BRAF: variants seen among roughly 807,000 people sequenced by gnomAD.
BRAF encodes the protein B-Raf proto-oncogene, serine/threonine kinase.
In BRAF, 16 loss-of-function variants were observed where a neutral mutation model predicts 104.6. That is an observed-to-expected ratio of 0.15 (90% CI 0.10 to 0.23). The LOEUF (loss-of-function observed/expected upper bound fraction) is 0.23, where lower values mean the gene tolerates loss of function less well. Among genes scored for constraint, BRAF ranks in the 10% least tolerant of loss-of-function variants. The pLI, the probability that BRAF is intolerant of heterozygous loss-of-function variation, is 1.00. For synonymous variants in BRAF, 310 were observed against 341.6 expected (o/e 0.91, Z 1.02); for missense variants, 541 against 937.3 (o/e 0.58, Z 5.52).
At chr7:140,853,965 T>C (rs945044658) in intron 1 of BRAF, among the ~76,000 whole-genome samples, 11 of 151,434 alleles carry the variant, frequency 7.3e-5, no homozygotes, top group African/African-American at 2.7e-4. Context: ...TATATTTGTT[T>C]AAAAAAAAAT....
At chr7:140,788,649 C>T (rs1012953737) in intron 8 of BRAF, among the ~76,000 whole-genome samples, 3 of 151,976 alleles carry the variant, frequency 2.0e-5, no homozygotes, top group South Asian at 2.1e-4. Flanking sequence ...AGTGCAGTGG[C>T]GTGATCTTGG....
chr7:140,719,714 A>T lies in BRAF; in HGVS notation c.*6780T>A, dbSNP rs1795232313. The stretch of plus-strand genomic sequence containing the variant: ...CTGAAAATAAATGTCTTTTTTATGA[A>T]TTGAAAAATAAGCTTTAAAAATAGT... On this transcript the variant is annotated 3_prime_UTR_variant, in exon 20 of 20. Coordinates refer to ENST00000644969, the MANE Select transcript of BRAF (RefSeq NM_001374258.1). 9.4e-7 allele frequency: 1 copy of T among 1,061,260 alleles called. No homozygotes were observed. The highest frequency in any genetic ancestry group is 1.6e-5 in the African/African-American group (1 of 60,886). 65.7% of individuals were successfully genotyped at this position (1,061,260 alleles called of 1,614,324 possible).
chr7:140,718,305 G>T (rs894052943), downstream of BRAF, among the ~76,000 whole-genome samples: 6 of 151,982 alleles, frequency 3.9e-5, no homozygotes, highest in African/African-American at 1.5e-4. Context: ...TGTTGCCCAG[G>T]CTGGAGTGCA....
chr7:140,809,851 GAGA>G (rs939679009), intron 3 of BRAF, among the ~76,000 whole-genome samples: 2 of 152,178 alleles, frequency 1.3e-5, no homozygotes, highest in Non-Finnish European at 2.9e-5. Context: ...GAGAGAGACA[GAGA>G]AGGAGGGAAA....
At chr7:140,894,813 C>T (rs565501475) in intron 1 of BRAF, among the ~76,000 whole-genome samples, 1 of 152,148 alleles carries the variant, frequency 6.6e-6, no homozygotes, top group Non-Finnish European at 1.5e-5. Context: ...AGCTCACAAA[C>T]CAAAGCCCTG....
chr7:140,835,739 A>T (rs1468931047), intron 2 of BRAF: 1 of 152,198 alleles, frequency 6.6e-6, no homozygotes, highest in Non-Finnish European at 1.5e-5. Flanking sequence ...GAACAGAATG[A>T]CATTGAACGA....
At chr7:140,894,698 C>A (rs531956801) in intron 1 of BRAF, among the ~76,000 whole-genome samples, 2 of 151,970 alleles carry the variant, frequency 1.3e-5, no homozygotes, top group African/African-American at 4.8e-5. Flanking sequence ...CCATAAGAGA[C>A]AAAGCCCCCA....
At chr7:140,806,759 T>C in intron 5 of BRAF, among the ~76,000 whole-genome samples, 1 of 152,174 alleles carries the variant, frequency 6.6e-6, no homozygotes, top group Middle Eastern at 3.2e-3. Context: ...ACAGTAAAAT[T>C]TGATTGACAT....
intron 3 of BRAF, among the ~76,000 whole-genome samples, chr7:140,816,288 C>T (rs1302571474): frequency 6.6e-6 from 1 of 152,178 alleles, no homozygotes; most frequent in African/African-American, 2.4e-5. Context: ...CTGAATGGAT[C>T]ACCCTCTTTG....
chr7:140,829,156 C>T (rs550898956), intron 3 of BRAF, among the ~76,000 whole-genome samples: 3 of 148,978 alleles, frequency 2.0e-5, no homozygotes, highest in African/African-American at 7.4e-5. Context: ...ATGCTGTTTC[C>T]AAATTTATAC....
At chr7:140,814,426 A>C (rs1804605139) in intron 3 of BRAF, among the ~76,000 whole-genome samples, 1 of 152,098 alleles carries the variant, frequency 6.6e-6, no homozygotes, top group Non-Finnish European at 1.5e-5. Flanking sequence ...GCATTTTGGG[A>C]GGCCAAGGCA....
At chr7:140,913,332 C>T (rs1035985622) in intron 1 of BRAF, among the ~76,000 whole-genome samples, 1 of 152,086 alleles carries the variant, frequency 6.6e-6, no homozygotes, top group Non-Finnish European at 1.5e-5. Context: ...CTACTAAGCA[C>T]CTAGATCACT....
intron 3 of BRAF, among the ~76,000 whole-genome samples, chr7:140,814,746 C>A (rs910284231): frequency 8.2e-6 from 1 of 121,286 alleles, no homozygotes. Flanking sequence ...AATTTATATA[C>A]AATATATAAC....
At chr7:140,887,521 T>G (rs1813707983) in intron 1 of BRAF, among the ~76,000 whole-genome samples, 1 of 151,838 alleles carries the variant, frequency 6.6e-6, no homozygotes. Context: ...TAAAATTACT[T>G]TTCCCTTTTG....
At chr7:140,802,679 G>T (rs1260145496) in intron 5 of BRAF, among the ~76,000 whole-genome samples, 1 of 151,670 alleles carries the variant, frequency 6.6e-6, no homozygotes, top group African/African-American at 2.4e-5. Flanking sequence ...TATAGAATAA[G>T]CACATAAAAT....
At chr7:140,794,247 A>G (rs1270352632) in intron 8 of BRAF, 61 bp downstream of exon 8, 1 of 1,579,454 alleles carries the variant, frequency 6.3e-7, no homozygotes, top group South Asian at 1.1e-5. Context: ...TTATAATTAT[A>G]GCAGAAAAAT....
Position 140,808,983 on chromosome 7 carries a change from A to G in BRAF, c.517T>C (p.Cys173Arg), listed in dbSNP as rs749677118. The change falls in exon 4 of 20, where the codon TGT becomes CGT. Residue 173 changes from cysteine (C) to arginine (R), a missense_variant. Physicochemically the swap from Cys to Arg is radical, Grantham distance 180. Coordinates refer to ENST00000644969, the MANE Select transcript of BRAF (RefSeq NM_001374258.1). ...NKQRTVVPAR[C>R]GVTVRDSLKK... ...AGACTGTCTCGGACTGTAACTCCAC[A>G]CCTTGCAGGTACCTATGGTATCATA... The G allele has an allele frequency of 1.9e-6, 3 of 1,611,930 alleles. No individual in the cohort carries two copies. The highest frequency in any genetic ancestry group is 2.5e-6 in the Non-Finnish European group (3 of 1,178,458).
chr7:140,904,945 C>CAT (rs59935280), intron 1 of BRAF, among the ~76,000 whole-genome samples: 45,545 of 151,944 alleles, frequency 0.3, 10,885 homozygotes, highest in African/African-American at 0.67. Flanking sequence ...CAATTTCTAA[C>CAT]ATGAAGCTTT....
intron 2 of BRAF, among the ~76,000 whole-genome samples, chr7:140,842,031 T>G (rs900127230): frequency 2.6e-5 from 4 of 152,196 alleles, no homozygotes; most frequent in African/African-American, 7.2e-5. Context: ...AAACTGCCCA[T>G]AAATGATATA....
Sources: gnomAD v4.1 joint callset for allele counts (sites outside exome capture counted in the v4.1 genomes callset) on GRCh38, gnomAD v4.1.1 for gene constraint, MANE v1.5 for transcripts, NCBI Gene and HGNC (gene_info 2026-07-23, HGNC 2026-07-21) for gene names.